PEX14: variants seen among roughly 807,000 people sequenced by gnomAD.
The protein encoded by PEX14 is peroxisomal membrane protein PEX14.
Under a neutral mutation model 49.5 loss-of-function variants are expected in PEX14, and 15 were observed. The observed-to-expected ratio is 0.30, with a 90% CI of 0.20 to 0.47. PEX14 has a LOEUF of 0.47. Ranked by LOEUF, PEX14 falls within the 20% of genes least tolerant of loss-of-function variation. The pLI is 1.00. For missense variants in PEX14, 398 were observed against 494.8 expected (o/e 0.80, Z 1.86); for synonymous variants, 210 against 212.7 (o/e 0.99, Z 0.11).
intron 3 of PEX14, among the ~76,000 whole-genome samples, chr1:10,590,104 C>T (rs896131440): frequency 2.0e-5 from 3 of 152,130 alleles, no homozygotes; most frequent in African/African-American, 7.2e-5. Flanking sequence ...TCAGATAGGC[C>T]GGTTCATGTC....
intron 2 of PEX14, among the ~76,000 whole-genome samples, chr1:10,523,068 G>A (rs1638351937): frequency 6.6e-6 from 1 of 152,038 alleles, no homozygotes; most frequent in African/African-American, 2.4e-5. Flanking sequence ...AGACTAATAA[G>A]CTTTTTGAAT....
At chr1:10,551,917 A>AC (rs1445762621) in intron 3 of PEX14, among the ~76,000 whole-genome samples, 1 of 151,274 alleles carries the variant, frequency 6.6e-6, no homozygotes, top group African/African-American at 2.4e-5. Context: ...ACATGGTGAA[A>AC]CCCCGCCTCT....
intron 2 of PEX14, among the ~76,000 whole-genome samples, chr1:10,519,971 G>C (rs571065036): frequency 1.3e-5 from 2 of 152,152 alleles, no homozygotes; most frequent in South Asian, 4.1e-4. Context: ...TTGTTGAACA[G>C]AAGTGGTGAG....
intron 3 of PEX14, among the ~76,000 whole-genome samples, chr1:10,566,750 C>G (rs1054536271): frequency 5.3e-5 from 8 of 152,108 alleles, no homozygotes; most frequent in African/African-American, 1.4e-4. Flanking sequence ...CTCCCGACCT[C>G]AGGTGATCCG....
chr1:10,561,228 C>A lies in PEX14; in HGVS notation c.169+24931C>A, dbSNP rs146283689. Among the ~76,000 whole-genome samples, 644 of 152,302 alleles carry A rather than the reference C, an allele frequency of 4.2e-3. 6 individuals carry two copies. Among genetic ancestry groups the A allele is most frequent in the African/African-American group, 0.015 (613 of 41,570 alleles). On this transcript the variant is annotated intron_variant, in intron 3 of 8. Coordinates refer to ENST00000356607, the MANE Select transcript of PEX14 (RefSeq NM_004565.3). ...AAAATTAACACTAATTCCATAAGATCATCTGCTATATATCCCATATTTACA... is the reference window on the plus strand; with the variant it reads ...AAAATTAACACTAATTCCATAAGATAATCTGCTATATATCCCATATTTACA...
intron 3 of PEX14, among the ~76,000 whole-genome samples, chr1:10,556,635 G>A (rs971314664): frequency 3.9e-5 from 6 of 152,218 alleles, no homozygotes; most frequent in Admixed American, 2.6e-4. Flanking sequence ...CAGGGTTGCC[G>A]GGCTGTTTCT....
chr1:10,591,413 C>G (rs1057258874), intron 3 of PEX14, among the ~76,000 whole-genome samples: 59 of 152,262 alleles, frequency 3.9e-4, no homozygotes, highest in Admixed American at 3.3e-3. Flanking sequence ...CGGGGTGAAC[C>G]ATTGTGATCT....
chr1:10,579,237 T>C (rs749105272), intron 3 of PEX14, among the ~76,000 whole-genome samples: 1 of 152,128 alleles, frequency 6.6e-6, no homozygotes, highest in Non-Finnish European at 1.5e-5. Flanking sequence ...AATGGAATGA[T>C]GTTTTCAAAA....
intron 3 of PEX14, among the ~76,000 whole-genome samples, chr1:10,580,925 C>T (rs1307484775): frequency 6.6e-6 from 1 of 152,060 alleles, no homozygotes; most frequent in Non-Finnish European, 1.5e-5. Context: ...AGATGAAGGA[C>T]CTGACTCATA....
chr1:10,581,594 G>A (rs375383864), intron 3 of PEX14, among the ~76,000 whole-genome samples: 6 of 151,700 alleles, frequency 4.0e-5, no homozygotes, highest in African/African-American at 9.7e-5. Flanking sequence ...GTGAGCCACC[G>A]TGCCTGGCTA....
chr1:10,616,939 G>C (rs1318792023), intron 4 of PEX14: 1 of 151,848 alleles, frequency 6.6e-6, no homozygotes. Context: ...TGTGCTGATC[G>C]GGGTTCTGCA....
chr1:10,569,358 T>C (rs930843632), intron 3 of PEX14, among the ~76,000 whole-genome samples: 5 of 152,142 alleles, frequency 3.3e-5, no homozygotes, highest in African/African-American at 1.2e-4. Flanking sequence ...CTCACTCAGC[T>C]CAAGCTGTAA....
intron 3 of PEX14, among the ~76,000 whole-genome samples, chr1:10,556,171 G>A (rs4846233): frequency 0.72 from 109,751 of 151,900 alleles, 40,904 homozygotes; most frequent in Non-Finnish European, 0.82. Context: ...GGATGACAGG[G>A]GTTCACAGTG....
Position 10,630,372 on chromosome 1 carries a change from T to G in PEX14, c.*385T>G. On this transcript the variant is annotated 3_prime_UTR_variant, in exon 9 of 9. Transcript: ENST00000356607. This position sits in a 1 kb window ranked among gnomAD's most constrained non-coding sequence, Gnocchi z 4.1. ...ACACCACGCATGGCCAGAGCTAGCG[T>G]CCCTACTGCCTCCCGACTCCTCAGT... 3.9e-6 allele frequency: 1 copy of G among 258,284 alleles called. No homozygotes were observed. Among genetic ancestry groups the G allele is most frequent in the Non-Finnish European group, 7.5e-6 (1 of 132,690 alleles). 16.0% of individuals were successfully genotyped at this position (258,284 alleles called of 1,614,324 possible).
At chr1:10,605,536 C>T (rs1333365525) in intron 4 of PEX14, among the ~76,000 whole-genome samples, 1 of 152,186 alleles carries the variant, frequency 6.6e-6, no homozygotes, top group Non-Finnish European at 1.5e-5. Context: ...AAGGTAGACC[C>T]AAGGTGTCAA....
At chr1:10,610,956 T>G (rs1641263157) in intron 4 of PEX14, among the ~76,000 whole-genome samples, 1 of 152,070 alleles carries the variant, frequency 6.6e-6, no homozygotes, top group Non-Finnish European at 1.5e-5. Flanking sequence ...CTTTAAAAAT[T>G]TAATAACCAG....
At position 10,629,982 on chromosome 1, in the gene PEX14, G is replaced by C; in HGVS notation, c.1129G>C (p.Asp377His). 1.2e-6 allele frequency: 2 copies of C among 1,608,870 alleles called. No individual in the cohort carries two copies. The highest frequency in any genetic ancestry group is 1.7e-6 in the Non-Finnish European group (2 of 1,179,432). Residue 377 changes from aspartate (D) to histidine (H), a missense_variant, in exon 9 of 9, where the codon GAC becomes CAC. Coordinates refer to ENST00000356607, the MANE Select transcript of PEX14 (RefSeq NM_004565.3). The surrounding 1 kb of genome is among the most constrained non-coding windows in gnomAD (Gnocchi z 8.5). ...PEGASNESER[D>H] ...GGGCGCCAGCAACGAGAGTGAGCGG[G>C]ACTAGGGCTGCGCCTGCTGCCTCCA...
At chr1:10,556,054 G>A (rs1287837172) in intron 3 of PEX14, among the ~76,000 whole-genome samples, 1 of 152,086 alleles carries the variant, frequency 6.6e-6, no homozygotes, top group Non-Finnish European at 1.5e-5. Context: ...AGCACGAGGC[G>A]AAAGGGGCAG....
At chr1:10,530,020 C>T (rs1315569611) in intron 2 of PEX14, among the ~76,000 whole-genome samples, 1 of 152,180 alleles carries the variant, frequency 6.6e-6, no homozygotes. Flanking sequence ...GTGCAGGAGG[C>T]TACCTGAGTA....
Sources: allele counts gnomAD v4.1 joint callset (sites outside exome capture counted in the v4.1 genomes callset), GRCh38; gene constraint gnomAD v4.1.1; non-coding constraint Gnocchi (gnomAD v3.1); transcripts MANE v1.5; gene names NCBI Gene and HGNC (gene_info 2026-07-23, HGNC 2026-07-21).